The following TBC1D1 variants were observed in gnomAD, a reference collection of about 807,000 sequenced individuals.
TBC1D1 encodes TBC1 (tre-2/USP6, BUB2, cdc16) domain family, member 1.
Under a neutral mutation model 125.6 loss-of-function variants are expected in TBC1D1, and 89 were observed. The observed-to-expected ratio is 0.71, with a 90% CI of 0.60 to 0.85. The LOEUF is 0.85. TBC1D1 is among the 40% of genes least tolerant of loss of function. TBC1D1 has a pLI of 0.00. For synonymous variants in TBC1D1, 565 were observed against 564.1 expected (o/e 1.00, Z -0.02); for missense variants, 1,377 against 1,469.2 (o/e 0.94, Z 1.03).
chr4:38,118,025 TC>T lies in TBC1D1; in HGVS notation c.2803-6del. 1 of 1,613,870 alleles carries T rather than the reference TC, an allele frequency of 6.2e-7. No homozygotes were observed. Among genetic ancestry groups the T allele is most frequent in the Middle Eastern group, 1.7e-4 (1 of 6,060 alleles). ...TAATTCTCAGCCCTTGTGGCTGTCT[TC>T]CTGCAGATCCAGATGTACCAGCTCT... On this transcript the variant is annotated splice_region_variant and splice_polypyrimidine_tract_variant and intron_variant, in intron 16 of 19. Coordinates refer to ENST00000261439, the MANE Select transcript of TBC1D1 (RefSeq NM_015173.4).
At chr4:37,959,558 C>T (rs115863076) in intron 2 of TBC1D1, among the ~76,000 whole-genome samples, 1 of 152,300 alleles carries the variant, frequency 6.6e-6, no homozygotes, top group Non-Finnish European at 1.5e-5. Context: ...TTGTTCAAGA[C>T]TCAACTGTAT....
chr4:37,895,505 A>G (rs1714367437), intron 1 of TBC1D1, among the ~76,000 whole-genome samples: 2 of 152,102 alleles, frequency 1.3e-5, no homozygotes, highest in Admixed American at 1.3e-4. Flanking sequence ...GGAGTTGGAG[A>G]CCAGCCTGGC....
At chr4:38,020,303 C>T (rs1743727965) in intron 4 of TBC1D1, among the ~76,000 whole-genome samples, 1 of 151,992 alleles carries the variant, frequency 6.6e-6, no homozygotes, top group Admixed American at 6.6e-5. Flanking sequence ...CATGGTGAAA[C>T]ACCATATCTA....
chr4:37,954,889 CTTTTT>C (rs10691932), intron 2 of TBC1D1, among the ~76,000 whole-genome samples: 1 of 109,448 alleles, frequency 9.1e-6, no homozygotes, highest in South Asian at 3.1e-4. Flanking sequence ...TTGAAACAGT[CTTTTT>C]TTTTTTTTTT....
intron 5 of TBC1D1, 37 bp downstream of exon 5, chr4:38,020,732 CT>C: frequency 6.4e-7 from 1 of 1,563,682 alleles, no homozygotes; most frequent in African/African-American, 1.4e-5. Context: ...TTGGAACCTT[CT>C]TTACAAGGAA....
rs111705784 is a variant in TBC1D1, at chr4:38,012,464, G to A, written c.418-2045G>A. On this transcript the variant is annotated intron_variant, in intron 2 of 19. Coordinates refer to ENST00000261439, the MANE Select transcript of TBC1D1 (RefSeq NM_015173.4). ...TCATTTTTGTATTTTGTATAGAGACGAGGTCTCGCCATTTTGCCCAGGATG... is the reference window on the plus strand; with the variant it reads ...TCATTTTTGTATTTTGTATAGAGACAAGGTCTCGCCATTTTGCCCAGGATG... Among the ~76,000 whole-genome samples, 630 of 152,218 alleles carry A rather than the reference G, an allele frequency of 4.1e-3. 6 individuals are homozygous for A. The highest frequency in any genetic ancestry group is 0.014 in the African/African-American group (599 of 41,556).
intron 18 of TBC1D1, among the ~76,000 whole-genome samples, chr4:38,125,378 T>C (rs1460526720): frequency 6.6e-6 from 1 of 152,228 alleles, no homozygotes; most frequent in Non-Finnish European, 1.5e-5. Flanking sequence ...CAGCACAGGT[T>C]ATTAGTAGTT....
Position 38,096,034 on chromosome 4 carries a change from C to T in TBC1D1, c.2342C>T (p.Pro781Leu), listed in dbSNP as rs138362592. 6.2e-7 allele frequency: 1 copy of T among 1,613,770 alleles called. No homozygotes were observed. Among genetic ancestry groups the T allele is most frequent in the African/African-American group, 1.3e-5 (1 of 74,872 alleles). ...GTGTGGGAAAAGATGCTTAGCACTC[C>T]AGGAAGATCAAAAATTAAGTTTGAC... The change falls in exon 14 of 20, where the codon CCA (proline) becomes CTA (leucine). Residue 781 changes from proline (P) to leucine (L), a missense_variant. Coordinates refer to ENST00000261439, the MANE Select transcript of TBC1D1 (RefSeq NM_015173.4).
At position 38,027,789 on chromosome 4, in the gene TBC1D1, A is replaced by G; in HGVS notation, c.1212A>G (p.Gly404=). ...TGCCTCTCTTTTTTCTCTTAATAGG[A>G]ATGAATTCTTCCAAAACAAAACTAG... The change falls in exon 7 of 20, where the codon GGA becomes GGG. Residue 404 remains glycine (G), a splice_region_variant and synonymous_variant. Coordinates refer to ENST00000261439, the MANE Select transcript of TBC1D1 (RefSeq NM_015173.4). 1 of 1,608,044 alleles carries G rather than the reference A, an allele frequency of 6.2e-7. No homozygotes were observed. Among genetic ancestry groups the G allele is most frequent in the Non-Finnish European group, 8.5e-7 (1 of 1,177,080 alleles).
chr4:37,910,164 G>C (rs549099647), intron 2 of TBC1D1, among the ~76,000 whole-genome samples: 1 of 152,018 alleles, frequency 6.6e-6, no homozygotes, highest in Non-Finnish European at 1.5e-5. Flanking sequence ...TTTACCAAAG[G>C]CTTTGAGTTT....
chr4:37,922,764 C>T (rs1166082773), intron 2 of TBC1D1, among the ~76,000 whole-genome samples: 2 of 152,154 alleles, frequency 1.3e-5, no homozygotes, highest in East Asian at 1.9e-4. Flanking sequence ...GGAGATGGCC[C>T]ATGGCTAATT....
intron 6 of TBC1D1, among the ~76,000 whole-genome samples, chr4:38,026,191 T>C (rs1445206986): frequency 6.6e-6 from 1 of 152,120 alleles, no homozygotes; most frequent in African/African-American, 2.4e-5. Flanking sequence ...ATTTCTGTGG[T>C]GGCTTCAGGG....
intron 2 of TBC1D1, chr4:37,960,723 A>G: frequency 6.2e-7 from 1 of 1,614,184 alleles, no homozygotes; most frequent in Non-Finnish European, 8.5e-7. Context: ...GACCGAGAAG[A>G]CTGTTAAAAC....
chr4:37,916,036 G>T (rs1719663111), intron 2 of TBC1D1, among the ~76,000 whole-genome samples: 1 of 151,708 alleles, frequency 6.6e-6, no homozygotes, highest in Non-Finnish European at 1.5e-5. Flanking sequence ...CCTTTTAGAT[G>T]CAACTGGAGC....
chr4:37,963,340 C>T (rs974642353), intron 2 of TBC1D1, among the ~76,000 whole-genome samples: 4 of 147,408 alleles, frequency 2.7e-5, no homozygotes, highest in African/African-American at 1.0e-4. Flanking sequence ...GGCGGAAGGC[C>T]AAGGAGGGAG....
chr4:38,003,876 A>T (rs982911313), intron 2 of TBC1D1, among the ~76,000 whole-genome samples: 1 of 152,120 alleles, frequency 6.6e-6, no homozygotes, highest in Non-Finnish European at 1.5e-5. Context: ...CTCAAAAAAA[A>T]AAAAAAAAAG....
At chr4:38,110,589 C>G in intron 15 of TBC1D1, 3 of 985,416 alleles carry the variant, frequency 3.0e-6, no homozygotes, top group Non-Finnish European at 3.6e-6. Context: ...CTTAGATCCA[C>G]AAGACACATC....
At chr4:38,043,960 A>G (rs1560678758) in intron 8 of TBC1D1, among the ~76,000 whole-genome samples, 3 of 152,214 alleles carry the variant, frequency 2.0e-5, no homozygotes, top group Admixed American at 1.3e-4. Context: ...TACACACTTT[A>G]CCTGTTTGAG....
chr4:38,051,702 C>CTG (rs1553926218), intron 11 of TBC1D1, among the ~76,000 whole-genome samples, 197 bp from the exon 12 acceptor site: 7 of 152,128 alleles, frequency 4.6e-5, no homozygotes, highest in African/African-American at 9.7e-5. Flanking sequence ...TCAATATACT[C>CTG]TGTTTTTCAC....
Sources: gnomAD v4.1 joint callset for allele counts (sites outside exome capture counted in the v4.1 genomes callset) on GRCh38, gnomAD v4.1.1 for gene constraint, MANE v1.5 for transcripts, NCBI Gene and HGNC (gene_info 2026-07-23, HGNC 2026-07-21) for gene names.